The following URI1 variants were observed in gnomAD, a reference collection of about 807,000 sequenced individuals.
URI1 encodes URI1 prefoldin like chaperone, also known as unconventional prefoldin RPB5 interactor 1.
Under a neutral mutation model 60.2 loss-of-function variants are expected in URI1, and 39 were observed. That is an observed-to-expected ratio of 0.65 (90% confidence interval 0.50 to 0.85). The LOEUF (loss-of-function observed/expected upper bound fraction) is 0.85, where lower values mean the gene tolerates loss of function less well. URI1 is among the 40% of genes least tolerant of loss of function. URI1 has a pLI of 0.00. For synonymous variants in URI1, 251 were observed against 236.8 expected (o/e 1.06, Z -0.55); for missense variants, 691 against 665.9 (o/e 1.04, Z -0.42).
At chr19:29,978,622 C>G (rs1194789068) in intron 2 of URI1, among the ~76,000 whole-genome samples, 1 of 152,070 alleles carries the variant, frequency 6.6e-6, no homozygotes, top group Non-Finnish European at 1.5e-5. Flanking sequence ...GGTGATAATC[C>G]TGAGTGCTTG....
chr19:29,931,290 A>C lies in URI1; in HGVS notation c.63+7536A>C, dbSNP rs370480944. On this transcript the variant is annotated intron_variant, in intron 1 of 10. Transcript: ENST00000360605. ...CAGGTGGCTTAAACAATAGAAATTT[A>C]TATTCCTCACAGCTCTGGAAACTAA... 5.9e-5 allele frequency among the ~76,000 whole-genome samples: 9 copies of C among 152,214 alleles called. No homozygotes were observed. In the East Asian group the frequency reaches 9.7e-4, roughly 16 times the overall value.
intron 4 of URI1, among the ~76,000 whole-genome samples, chr19:29,998,165 T>C (rs1246476136): frequency 6.6e-6 from 1 of 152,236 alleles, no homozygotes; most frequent in Non-Finnish European, 1.5e-5. Context: ...TGATTTTTAA[T>C]GTTATTGAGC....
rs1281893290 is a variant in URI1, at chr19:29,968,670, C to T, written c.118-2523C>T. Among the ~76,000 whole-genome samples the T allele has an allele frequency of 3.7e-5, 5 of 136,766 alleles. No homozygotes were observed. In the East Asian group the frequency reaches 8.9e-4, roughly 24 times the overall value. The allele number at this position is 136,766 out of a possible 152,430, so 89.7% of individuals were successfully genotyped here. A position where few individuals can be genotyped will look rare whatever the true frequency, so the allele number is the denominator to read the frequency against. On this transcript the variant is annotated intron_variant, in intron 1 of 10. Coordinates refer to ENST00000392271, the MANE Select transcript of URI1 (RefSeq NM_003796.3). ...CACTGCAAGCTCTGCCTCCCAGGTT[C>T]ATGCCATTCTCCTACCTCAGCCTCC...
intron 1 of URI1, among the ~76,000 whole-genome samples, chr19:29,966,408 T>G (rs2055391896): frequency 6.6e-6 from 1 of 152,168 alleles, no homozygotes; most frequent in Non-Finnish European, 1.5e-5. Context: ...AGTGCTAAGA[T>G]TACAGGCGTG....
chr19:29,977,596 C>G (rs2055541179), intron 2 of URI1, among the ~76,000 whole-genome samples: 1 of 122,120 alleles, frequency 8.2e-6, no homozygotes, highest in African/African-American at 3.1e-5. Context: ...GAGCAGAGAG[C>G]AACTGCCAAA....
Position 29,986,333 on chromosome 19 carries a change from G to A in URI1, c.283G>A (p.Glu95Lys). 6.2e-7 allele frequency: 1 copy of A among 1,610,674 alleles called. No individual in the cohort carries two copies. Among genetic ancestry groups the A allele is most frequent in the Non-Finnish European group, 8.5e-7 (1 of 1,179,434 alleles). The part of the protein sequence containing the change: ...FMPGKLVHTN[E>K]VTVLLGDNWF... ...GCCAGGAAAACTTGTCCATACTAAT[G>A]AAGTCACTGTTTTACTGGGGGACAA... The change falls in exon 4 of 11, where the codon GAA becomes AAA. Residue 95 changes from glutamate to lysine, a missense_variant. Glu to Lys is a moderately conservative substitution (Grantham distance 56, BLOSUM62 1). Coordinates refer to ENST00000392271, the MANE Select transcript of URI1 (RefSeq NM_003796.3).
rs202018051 is a variant in URI1 at position 29,964,459 on chromosome 19, G to GTTTTTTTTTTTTT, written c.118-6730_118-6729insTTTTTTTTTTTTT. On this transcript the variant is annotated intron_variant, in intron 1 of 10. Coordinates refer to ENST00000392271, the MANE Select transcript of URI1 (RefSeq NM_003796.3). ...GTGGTTTCTTTTGTTTTTGTTTTTT[G>GTTTTTTTTTTTTT]TTTTGTTTTTTTTTTTTTTTTTGAG... 3.8e-4 allele frequency among the ~76,000 whole-genome samples: 50 copies of GTTTTTTTTTTTTT among 133,302 alleles called. 1 individual carries two copies. Among genetic ancestry groups the GTTTTTTTTTTTTT allele is most frequent in the Non-Finnish European group, 4.8e-4 (30 of 61,880 alleles). The allele number at this position is 133,302 out of a possible 152,430, so 87.5% of individuals were successfully genotyped here. A position where few individuals can be genotyped will look rare whatever the true frequency, so the allele number is the denominator to read the frequency against.
chr19:29,981,575 T>C (rs562308963), intron 2 of URI1, among the ~76,000 whole-genome samples: 2 of 152,316 alleles, frequency 1.3e-5, no homozygotes, highest in African/African-American at 4.8e-5. Context: ...TTAAAGTTTC[T>C]TACATGCCTT....
At chr19:29,940,204 C>A (rs2055009734), upstream of URI1, among the ~76,000 whole-genome samples, 2 of 151,944 alleles carry the variant, frequency 1.3e-5, no homozygotes, top group Admixed American at 6.6e-5. Context: ...CTGTTCTCAG[C>A]TCTGCTGACC....
chr19:29,932,431 C>T (rs2054929255), intron 1 of URI1, among the ~76,000 whole-genome samples: 1 of 152,002 alleles, frequency 6.6e-6, no homozygotes. Context: ...ACTCTCCTGC[C>T]TCAGCCTCCC....
Position 30,016,490 on chromosome 19 carries a change from A to C in URI1, c.*1421A>C, listed in dbSNP as rs1345294078. On this transcript the variant is annotated 3_prime_UTR_variant, in exon 11 of 11. Transcript: ENST00000392271. ...GCTCCCGTTAGGAATTGCTATTCAC[A>C]TGAGGCTTTCTGTGCTAGATTTTTT... 1.3e-5 allele frequency: 2 copies of C among 152,150 alleles called. No individual in the cohort carries two copies. Among genetic ancestry groups the C allele is most frequent in the African/African-American group, 2.4e-5 (1 of 41,450 alleles). 9.4% of individuals were successfully genotyped at this position (152,150 alleles called of 1,614,324 possible).
intron 1 of URI1, among the ~76,000 whole-genome samples, chr19:29,948,205 G>C (rs902020848): frequency 1.3e-5 from 2 of 152,172 alleles, no homozygotes; most frequent in African/African-American, 4.8e-5. Flanking sequence ...TGTAGTTTTA[G>C]TTGTGGTTCC....
At chr19:30,013,351 A>T (rs2056046829) in intron 10 of URI1, among the ~76,000 whole-genome samples, 1 of 152,210 alleles carries the variant, frequency 6.6e-6, no homozygotes, top group South Asian at 2.1e-4. Context: ...TCAGTGTATT[A>T]AATGGTAATT....
At chr19:30,010,713 G>T (rs944505500) in intron 8 of URI1, among the ~76,000 whole-genome samples, 4 of 152,042 alleles carry the variant, frequency 2.6e-5, no homozygotes, top group African/African-American at 9.7e-5. Context: ...TGACTTAAAG[G>T]TTGTATTCTT....
chr19:29,924,272 G>A (rs1172934867), intron 1 of URI1, among the ~76,000 whole-genome samples: 1 of 152,058 alleles, frequency 6.6e-6, no homozygotes, highest in Non-Finnish European at 1.5e-5. Context: ...CCTTAACCCA[G>A]TCAAGCTGAC....
intron 4 of URI1, among the ~76,000 whole-genome samples, chr19:30,001,132 C>G (rs1050022201): frequency 1.3e-5 from 2 of 151,290 alleles, no homozygotes; most frequent in African/African-American, 4.9e-5. Flanking sequence ...TCCCTCTTTT[C>G]TCTCTTGCTC....
At chr19:29,933,754 G>A (rs959173879) in intron 1 of URI1, among the ~76,000 whole-genome samples, 12 of 151,376 alleles carry the variant, frequency 7.9e-5, no homozygotes, top group Admixed American at 1.3e-4. Flanking sequence ...CCCGGGAGGC[G>A]GAGGTTGCAG....
intron 10 of URI1, among the ~76,000 whole-genome samples, chr19:30,013,110 G>C (rs1274585270): frequency 6.6e-6 from 1 of 152,132 alleles, no homozygotes; most frequent in African/African-American, 2.4e-5. Flanking sequence ...GGTGGTGCAG[G>C]GGAGGTTAGG....
chr19:30,009,334 A>G lies in URI1; in HGVS notation c.1016A>G (p.His339Arg), dbSNP rs1386384116. The G allele has an allele frequency of 6.2e-7, 1 of 1,613,900 alleles. No homozygotes were observed. The highest frequency in any genetic ancestry group is 1.1e-5 in the South Asian group (1 of 91,066). ...DNSIPTIYFS[H>R]TVEPKRVRIN... is the part of the protein sequence containing the mutation. ...TCTATACCAACAATATATTTTTCAC[A>G]TACTGTTGAGCCTAAGAGGGTTTGT... Residue 339 changes from histidine to arginine, a missense_variant, in exon 8 of 11, where the codon CAT (histidine) becomes CGT (arginine). Transcript: ENST00000392271.
Sources: allele counts gnomAD v4.1 joint callset (sites outside exome capture counted in the v4.1 genomes callset), GRCh38; gene constraint gnomAD v4.1.1; transcripts MANE v1.5; gene names NCBI Gene and HGNC (gene_info 2026-07-23, HGNC 2026-07-21).